PDZD2: variants seen among roughly 807,000 people sequenced by gnomAD.
PDZD2 encodes PDZ domain-containing protein 2.
In PDZD2, 90 loss-of-function variants were observed where a neutral mutation model predicts 220.7. The ratio of observed to expected loss-of-function variants is 0.41; its 90% CI spans 0.34 to 0.49. PDZD2 has a LOEUF of 0.49. Among genes scored for constraint, PDZD2 ranks in the 20% least tolerant of loss-of-function variants. The pLI is 0.28. For synonymous variants in PDZD2, 1,375 were observed against 1,450.5 expected (o/e 0.95, Z 1.18); for missense variants, 3,174 against 3,608.5 (o/e 0.88, Z 3.08).
chr5:31,774,635 G>A (rs1365939048), intron 1 of PDZD2, among the ~76,000 whole-genome samples: 2 of 151,590 alleles, frequency 1.3e-5, no homozygotes. Flanking sequence ...AGAATCGCTT[G>A]AACCTGGGAG....
chr5:31,767,442 A>C (rs1752093909), intron 1 of PDZD2, among the ~76,000 whole-genome samples: 1 of 152,214 alleles, frequency 6.6e-6, no homozygotes, highest in East Asian at 1.9e-4. Flanking sequence ...GCCAATGGTC[A>C]CCCGTTTCAG....
chr5:31,848,704 G>A (rs796295675), intron 2 of PDZD2, among the ~76,000 whole-genome samples: 8 of 151,124 alleles, frequency 5.3e-5, no homozygotes, highest in South Asian at 2.1e-4. Context: ...AGCCAAGATC[G>A]TGCCATTGCA....
intron 1 of PDZD2, among the ~76,000 whole-genome samples, chr5:31,690,464 CA>C (rs1421838271): frequency 6.6e-6 from 1 of 152,166 alleles, no homozygotes; most frequent in African/African-American, 2.4e-5. Flanking sequence ...CTTCAACCAA[CA>C]GACATCTGTT....
intron 6 of PDZD2, among the ~76,000 whole-genome samples, chr5:32,031,533 T>C (rs1755119534): frequency 6.6e-6 from 1 of 152,210 alleles, no homozygotes; most frequent in South Asian, 2.1e-4. Flanking sequence ...TTTCCCCATC[T>C]TCAAAGAAGA....
At chr5:31,716,642 A>G (rs1040733507) in intron 1 of PDZD2, among the ~76,000 whole-genome samples, 4 of 152,136 alleles carry the variant, frequency 2.6e-5, no homozygotes, top group Non-Finnish European at 5.9e-5. Context: ...GTCTCTACTA[A>G]AAATACAAAA....
At chr5:31,656,506 G>T (rs1300241713) in intron 1 of PDZD2, among the ~76,000 whole-genome samples, 1 of 152,164 alleles carries the variant, frequency 6.6e-6, no homozygotes, top group East Asian at 1.9e-4. Context: ...AAGGGATGTT[G>T]ATGGATTGGT....
Position 32,089,709 on chromosome 5 carries a change from A to C in PDZD2, c.6261A>C (p.Thr2087=). The change falls in exon 20 of 25, where the codon ACA becomes ACC. Residue 2087 remains threonine (T), a synonymous_variant. Coordinates refer to ENST00000438447, the MANE Select transcript of PDZD2 (RefSeq NM_178140.4). ...NIMASDRLER[T]NQLKIVEISA... is the part of the protein sequence containing the mutation. Reference sequence around the variant, plus strand: ...TGGCCAGCGATCGCCTCGAAAGAACAAACCAGCTGAAAATCGTGGAGATTT... The same window carrying C: ...TGGCCAGCGATCGCCTCGAAAGAACCAACCAGCTGAAAATCGTGGAGATTT... 1 of 1,614,206 alleles carries C rather than the reference A, an allele frequency of 6.2e-7. No homozygotes were observed. Among genetic ancestry groups the C allele is most frequent in the East Asian group, 2.2e-5 (1 of 44,870 alleles).
chr5:32,003,361 A>C (rs1581253115), intron 5 of PDZD2, among the ~76,000 whole-genome samples: 3 of 53,606 alleles, frequency 5.6e-5, no homozygotes, highest in Non-Finnish European at 7.7e-5. Flanking sequence ...CACACACCAC[A>C]CCACACACAC....
intron 3 of PDZD2, among the ~76,000 whole-genome samples, chr5:31,988,054 G>A (rs1250852083): frequency 3.3e-5 from 5 of 152,226 alleles, no homozygotes; most frequent in South Asian, 2.1e-4. Context: ...TCCCCTACCC[G>A]GGACATCGCC....
At chr5:31,936,794 G>A (rs536716591) in intron 2 of PDZD2, among the ~76,000 whole-genome samples, 1 of 152,304 alleles carries the variant, frequency 6.6e-6, no homozygotes, top group East Asian at 1.9e-4. Context: ...AAAGGAGGTG[G>A]ATGTATAACA....
chr5:32,075,280 G>C (rs1325042124), intron 18 of PDZD2, among the ~76,000 whole-genome samples: 1 of 152,210 alleles, frequency 6.6e-6, no homozygotes, highest in Non-Finnish European at 1.5e-5. Flanking sequence ...CTGCTGACTA[G>C]TTGGCACTGG....
At chr5:31,725,733 G>A (rs1367078726) in intron 1 of PDZD2, 7 of 893,816 alleles carry the variant, frequency 7.8e-6, no homozygotes, top group African/African-American at 6.6e-5. Flanking sequence ...GGCCTGCAAC[G>A]TGATTTAGCC....
At chr5:31,790,619 G>A (rs1753648556) in intron 1 of PDZD2, among the ~76,000 whole-genome samples, 1 of 150,418 alleles carries the variant, frequency 6.6e-6, no homozygotes, top group East Asian at 2.0e-4. Context: ...TATCTAGTCT[G>A]TGTGTTTCTG....
chr5:31,689,353 A>ATATATATATATTTTT, intron 1 of PDZD2, among the ~76,000 whole-genome samples: 27 of 35,116 alleles, frequency 7.7e-4, no homozygotes, highest in African/African-American at 4.0e-3. Flanking sequence ...ATATATATAT[A>ATATATATATATTTTT]TTTTTTTTTT....
At chr5:31,739,963 A>T (rs1750147777) in intron 1 of PDZD2, among the ~76,000 whole-genome samples, 1 of 152,232 alleles carries the variant, frequency 6.6e-6, no homozygotes, top group Non-Finnish European at 1.5e-5. Context: ...AAATACTCTC[A>T]TAGTAAGCAG....
intron 2 of PDZD2, among the ~76,000 whole-genome samples, chr5:31,942,291 A>C (rs1444840446): frequency 6.6e-6 from 1 of 152,196 alleles, no homozygotes. Flanking sequence ...TAGAATGTTC[A>C]GACTGCAAGG....
At chr5:31,814,519 A>G (rs1380244791) in intron 2 of PDZD2, among the ~76,000 whole-genome samples, 2 of 152,160 alleles carry the variant, frequency 1.3e-5, no homozygotes, top group Admixed American at 6.5e-5. Flanking sequence ...TGAAAGAGTT[A>G]TTATCTAAAG....
At chr5:32,065,358 T>C (rs1203625559) in intron 14 of PDZD2, among the ~76,000 whole-genome samples, 1 of 152,234 alleles carries the variant, frequency 6.6e-6, no homozygotes, top group Non-Finnish European at 1.5e-5. Context: ...TACCTTGGTA[T>C]TCCTTGTAGT....
chr5:31,830,342 T>TTTTA (rs1231002044), intron 2 of PDZD2, among the ~76,000 whole-genome samples: 3 of 147,432 alleles, frequency 2.0e-5, no homozygotes, highest in African/African-American at 2.5e-5. Flanking sequence ...ATTTTTTTTT[T>TTTTA]TTTTTTTGTA....
Sources: gnomAD v4.1 joint callset for allele counts (sites outside exome capture counted in the v4.1 genomes callset) on GRCh38, gnomAD v4.1.1 for gene constraint, MANE v1.5 for transcripts, NCBI Gene and HGNC (gene_info 2026-07-23, HGNC 2026-07-21) for gene names.